Variants in ARSD observed in about 807,000 individuals in gnomAD.
ARSD encodes the protein arylsulfatase D.
ARSD carries 21 observed loss-of-function variants against 32.6 expected under a neutral mutation model. The observed-to-expected ratio is 0.64, with a 90% CI of 0.46 to 0.93. The LOEUF (loss-of-function observed/expected upper bound fraction) is 0.93. ARSD is among the 40% of genes least tolerant of loss of function. The pLI, the probability that ARSD is intolerant of heterozygous loss-of-function variation, is 0.00. For synonymous variants in ARSD, 224 were observed against 237.4 expected (o/e 0.94, Z 0.52); for missense variants, 454 against 520.9 (o/e 0.87, Z 1.25).
rs140406411 is a variant in ARSD at position 2,925,666 on chromosome X, C to T, written c.144G>A (p.Ala48=). The part of the protein sequence containing the change: ...AFKPNILLIM[A]DDLGTGDLGC... ...CGAGATCCCCAGTGCCTAGATCATC[C>T]GCCATGATCAGTAGGATATTTGGTT... The change falls in exon 2 of 10, where the codon GCG becomes GCA. Residue 48 remains alanine (A), a synonymous_variant. Coordinates refer to ENST00000381154, the MANE Select transcript of ARSD (RefSeq NM_001669.4). The T allele has an allele frequency of 2.9e-5, 35 of 1,207,742 alleles. No individual in the cohort carries two copies. The African/African-American group carries it at 5.6e-4, about 19-fold the overall frequency.
Position 2,918,074 on chromosome X carries a change from G to A in ARSD, c.593C>T (p.Ala198Val), listed in dbSNP as rs376322458. The stretch of plus-strand genomic sequence containing the variant: ...GAACTGGGTGTAACCCCAGAGCTGC[G>A]CCCTCAGGGCGGCGTCCACTTCGGG... ...RPPEVDAALR[A>V]QLWGYTQFLA... Residue 198 changes from alanine (A) to valine (V), a missense_variant, in exon 5 of 10, where the codon GCG becomes GTG. By Grantham distance (64) the Ala-to-Val change is moderately conservative. Transcript: ENST00000381154. 5 of 1,200,297 alleles carry A rather than the reference G, an allele frequency of 4.2e-6. No homozygotes were observed. The highest frequency in any genetic ancestry group is 1.7e-5 in the African/African-American group (1 of 57,774).
intron 5 of ARSD, among the ~76,000 whole-genome samples, chrX:2,917,140 C>G (rs1212905509): frequency 4.6e-5 from 5 of 109,670 alleles, no homozygotes; most frequent in Admixed American, 3.9e-4. Flanking sequence ...AATCTTAGCC[C>G]TTTGGGAGGC....
chrX:2,918,608 C>T (rs1467559742), intron 4 of ARSD, among the ~76,000 whole-genome samples: 37 of 110,950 alleles, frequency 3.3e-4, no homozygotes, highest in Admixed American at 6.7e-4. Flanking sequence ...ATACAGGTGG[C>T]GGGCGCCTGT....
intron 2 of ARSD, among the ~76,000 whole-genome samples, chrX:2,924,497 C>G (rs185848411): frequency 3.4e-4 from 38 of 113,387 alleles, no homozygotes; most frequent in East Asian, 1.7e-3. Flanking sequence ...GAATAAGGAG[C>G]TTTCTCACCT....
At chrX:2,928,268 G>T (rs2089106065) in intron 1 of ARSD, among the ~76,000 whole-genome samples, 1 of 102,072 alleles carries the variant, frequency 9.8e-6, no homozygotes, top group African/African-American at 3.6e-5. Flanking sequence ...GGCCGCGCTT[G>T]TGGTGGAGAT....
rs745571630 is a variant in ARSD at position 2,913,378 on chromosome X, A to T, written c.1000+2178T>A. 8.4e-5 allele frequency: 27 copies of T among 321,519 alleles called. 1 individual carries two copies. Among genetic ancestry groups the T allele is most frequent in the Middle Eastern group, 1.9e-3 (1 of 528 alleles). 26.5% of individuals were successfully genotyped at this position (321,519 alleles called of 1,213,427 possible). ...ATGCTGCGGGGGGTAGAATGAGGCA[A>T]GCCCAACCCCCTCTTCCCGTTATGG... On this transcript the variant is annotated intron_variant, in intron 6 of 9. Coordinates refer to ENST00000381154, the MANE Select transcript of ARSD (RefSeq NM_001669.4).
At position 2,906,579 on chromosome X, in the gene ARSD, A is replaced by G. The variant is rs991939526; in HGVS notation, c.*692T>C. 1 of 112,491 alleles carries G rather than the reference A, an allele frequency of 8.9e-6. No individual in the cohort carries two copies. The highest frequency in any genetic ancestry group is 3.2e-5 in the African/African-American group (1 of 30,959). The allele number at this position is 112,491 out of a possible 1,213,427, so 9.3% of individuals were successfully genotyped here. ...AATTATTTGAGATTAATGAGTCCTC[A>G]TAAACAGAGACTGAGAGGCTCTAAC... is the stretch of plus-strand genomic sequence containing the variant. On this transcript the variant is annotated 3_prime_UTR_variant, in exon 10 of 10. Transcript: ENST00000381154.
rs371733909 is a variant in ARSD, at chrX:2,921,916, A to T, written c.303T>A (p.His101Gln). Residue 101 changes from histidine (H) to glutamine (Q), a missense_variant, in exon 3 of 10, where the codon CAT becomes CAA. This residue lies in a region of ARSD where 271 missense variants were observed against 301.0 expected (regional missense o/e 0.90). Transcript: ENST00000381154. ...CGTGACACCAACCTGATCTGAAGGA[A>T]TGTCTCCCTGTGAGGAATGCAGCTC... Reference protein sequence around the residue: ...PSRAAFLTGRHSFRSGMDASN... With the variant: ...PSRAAFLTGRQSFRSGMDASN... The T allele has an allele frequency of 1.7e-6, 2 of 1,211,071 alleles. No homozygotes were observed. Among genetic ancestry groups the T allele is most frequent in the Non-Finnish European group, 2.2e-6 (2 of 895,100 alleles).
chrX:2,909,655 G>T (rs2088884088), intron 8 of ARSD, among the ~76,000 whole-genome samples, 162 bp downstream of exon 8: 1 of 87,866 alleles, frequency 1.1e-5, no homozygotes, highest in Non-Finnish European at 2.1e-5. Flanking sequence ...TTGCACTCCA[G>T]CCTGGGCAAG....
At chrX:2,909,430 C>T (rs1260015855) in intron 8 of ARSD, among the ~76,000 whole-genome samples, 1 of 111,181 alleles carries the variant, frequency 9.0e-6, no homozygotes, top group African/African-American at 3.3e-5. Flanking sequence ...TAAGGGGATC[C>T]GCCCATCTAG....
intron 6 of ARSD, chrX:2,913,357 T>TGAGG (rs1363301336): frequency 6.0e-6 from 1 of 166,713 alleles, no homozygotes; most frequent in Admixed American, 9.5e-5. Flanking sequence ...ATGTTCATGC[T>TGAGG]GCGGGGGGTA....
At chrX:2,922,236 T>A (rs60484628) in intron 2 of ARSD, among the ~76,000 whole-genome samples, 1,442 of 106,294 alleles carry the variant, frequency 0.014, 31 homozygotes, top group African/African-American at 0.045. Flanking sequence ...TCTCTCTCTC[T>A]CACACACACA....
intron 1 of ARSD, 71 bp downstream of exon 1, chrX:2,929,161 G>T (rs1603461459): frequency 1.0e-6 from 1 of 957,503 alleles, no homozygotes; most frequent in Non-Finnish European, 1.3e-6. Flanking sequence ...GCCCCTCGCC[G>T]TGCTCGCGAC....
chrX:2,907,814 G>T, intron 9 of ARSD, 182 bp from the exon 10 acceptor site: 1 of 999,297 alleles, frequency 1.0e-6, no homozygotes. Context: ...GTGTGTGTGC[G>T]CGCGTGCGCC....
At position 2,904,551 on chromosome X, in the gene ARSD, A is replaced by T. The variant is rs1297881638; in HGVS notation, c.*2720T>A. ...CAGGTGGAGACTAACCAACTCCCTG[A>T]CCTCCTTCGGTTAAGTGCTCCTTCC... is the stretch of plus-strand genomic sequence containing the variant. On this transcript the variant is annotated 3_prime_UTR_variant, in exon 10 of 10. Coordinates refer to ENST00000381154, the MANE Select transcript of ARSD (RefSeq NM_001669.4). 1 of 112,657 alleles carries T rather than the reference A, an allele frequency of 8.9e-6. No individual in the cohort carries two copies. The highest frequency in any genetic ancestry group is 1.8e-5 in the Non-Finnish European group (1 of 54,287). 9.3% of individuals were successfully genotyped at this position (112,657 alleles called of 1,213,427 possible).
In ARSD at chrX:2,904,812, G is replaced by C. The variant is rs1188488706; in HGVS notation, c.*2459C>G. ...ATTGTTTGAATGGTTGAGCGTGAAA[G>C]ACTTGTTATAATGGGCTTGTTGAAT... On this transcript the variant is annotated 3_prime_UTR_variant, in exon 10 of 10. Coordinates refer to ENST00000381154, the MANE Select transcript of ARSD (RefSeq NM_001669.4). 1 of 188,551 alleles carries C rather than the reference G, an allele frequency of 5.3e-6. No homozygotes were observed. Among genetic ancestry groups the C allele is most frequent in the African/African-American group, 3.1e-5 (1 of 31,982 alleles). 15.5% of individuals were successfully genotyped at this position (188,551 alleles called of 1,213,427 possible).
chrX:2,922,087 C>T, intron 2 of ARSD, 63 bp from the exon 3 acceptor site: 1 of 1,132,902 alleles, frequency 8.8e-7, no homozygotes, highest in Admixed American at 2.5e-5. Context: ...AAGCAGATCC[C>T]TGCTCTGAAA....
intron 7 of ARSD, 75 bp downstream of exon 7, chrX:2,910,583 TC>T (rs2088893613): frequency 2.5e-6 from 3 of 1,187,276 alleles, no homozygotes; most frequent in East Asian, 6.0e-5. Context: ...CATTTTCAGT[TC>T]AACTTGTTCT....
Position 2,907,556 on chromosome X carries a change from G to A in ARSD, c.1497C>T (p.Gly499=), listed in dbSNP as rs1228050536. 8.6e-7 allele frequency: 1 copy of A among 1,157,458 alleles called. No individual in the cohort carries two copies. Among genetic ancestry groups the A allele is most frequent in the Non-Finnish European group, 1.2e-6 (1 of 867,364 alleles). ...CGCCCTCCCCGGAGCATGGGCAGAC[G>A]CCTCGGCCGTAGCAGGCCCCCGCTC... The part of the protein sequence containing the change: ...PEGAGACYGR[G]VCPCSGEGVT... The change falls in exon 10 of 10, where the codon GGC becomes GGT. Residue 499 remains glycine, a synonymous_variant. Transcript: ENST00000381154.
Sources: allele counts gnomAD v4.1 joint callset (sites outside exome capture counted in the v4.1 genomes callset), GRCh38; gene constraint gnomAD v4.1.1; regional missense constraint gnomAD v4.1.1; transcripts MANE v1.5; gene names NCBI Gene and HGNC (gene_info 2026-07-23, HGNC 2026-07-21).